Variants in RBFOX1 observed in about 807,000 individuals in gnomAD.
RBFOX1 encodes the protein RNA binding protein fox-1 homolog 1.
A neutral mutation model predicts 57.7 loss-of-function variants in RBFOX1; 8 were observed. The observed-to-expected ratio is 0.14, with a 90% CI of 0.08 to 0.25. The LOEUF (loss-of-function observed/expected upper bound fraction) is 0.25, where lower values mean the gene tolerates loss of function less well. RBFOX1 is among the 10% of genes least tolerant of loss of function. RBFOX1 has a pLI of 1.00. For missense variants in RBFOX1, 611 were observed against 548.5 expected (o/e 1.11, Z -1.14); for synonymous variants, 326 against 222.4 (o/e 1.47, Z -4.15).
chr16:7,468,835 C>T (rs1021234616), intron 4 of RBFOX1, among the ~76,000 whole-genome samples: 13 of 152,248 alleles, frequency 8.5e-5, no homozygotes, highest in South Asian at 2.1e-4. Flanking sequence ...TGATGGCTGA[C>T]CAAGAGTCAA....
chr16:6,987,105 C>T (rs922846856), intron 3 of RBFOX1, among the ~76,000 whole-genome samples: 2 of 152,150 alleles, frequency 1.3e-5, no homozygotes, highest in African/African-American at 4.8e-5. Flanking sequence ...TTCCATTTAT[C>T]AGCGTCTTGT....
intron 4 of RBFOX1, among the ~76,000 whole-genome samples, chr16:7,080,053 T>C (rs1485407716): frequency 1.4e-5 from 2 of 141,974 alleles, no homozygotes; most frequent in African/African-American, 2.6e-5. Context: ...TATATATATA[T>C]ACATATTATA....
intron 4 of RBFOX1, among the ~76,000 whole-genome samples, chr16:7,162,220 T>C (rs1160236959): frequency 1.3e-5 from 2 of 152,212 alleles, no homozygotes; most frequent in African/African-American, 2.4e-5. Context: ...AGTTAAAATA[T>C]TATCTACAAT....
chr16:5,255,649 C>T (rs1410786477), intron 1 of RBFOX1, among the ~76,000 whole-genome samples: 3 of 151,756 alleles, frequency 2.0e-5, no homozygotes, highest in East Asian at 3.9e-4. Context: ...CCGACTCAAC[C>T]ATCCATTCAT....
chr16:7,317,124 G>C (rs1164274606), intron 4 of RBFOX1, among the ~76,000 whole-genome samples: 2 of 152,114 alleles, frequency 1.3e-5, no homozygotes, highest in Non-Finnish European at 2.9e-5. Flanking sequence ...GTGTCAAGTA[G>C]GAAGTCACTG....
chr16:6,998,801 C>A (rs779980323), intron 3 of RBFOX1, among the ~76,000 whole-genome samples: 1 of 152,030 alleles, frequency 6.6e-6, no homozygotes, highest in Admixed American at 6.6e-5. Flanking sequence ...AAAATTCCTT[C>A]TGAGTACTTT....
intron 11 of RBFOX1, among the ~76,000 whole-genome samples, chr16:7,643,356 G>A (rs148840054): frequency 1.3e-5 from 2 of 152,190 alleles, no homozygotes; most frequent in African/African-American, 4.8e-5. Context: ...ACAAAAAGAA[G>A]ACTTATTTCA....
chr16:7,528,972 C>G (rs760185848), intron 5 of RBFOX1, among the ~76,000 whole-genome samples: 2 of 152,120 alleles, frequency 1.3e-5, no homozygotes, highest in African/African-American at 4.8e-5. Flanking sequence ...GGGTTGGAAA[C>G]GGAAGGCCAG....
intron 1 of RBFOX1, among the ~76,000 whole-genome samples, chr16:5,308,762 C>G (rs892155328): frequency 6.7e-6 from 1 of 149,584 alleles, no homozygotes; most frequent in African/African-American, 2.5e-5. Context: ...CATTTTTTTT[C>G]AATATTTGTC....
intron 4 of RBFOX1, among the ~76,000 whole-genome samples, chr16:5,993,526 C>T (rs952601294): frequency 6.6e-6 from 1 of 152,094 alleles, no homozygotes; most frequent in Non-Finnish European, 1.5e-5. Context: ...GTAGAATTCA[C>T]CTTCTTACCC....
chr16:5,671,002 C>T (rs954822309), intron 3 of RBFOX1, among the ~76,000 whole-genome samples: 2 of 152,240 alleles, frequency 1.3e-5, no homozygotes, highest in African/African-American at 2.4e-5. Flanking sequence ...CAGAGCCCCC[C>T]TCACTGAAAT....
intron 2 of RBFOX1, among the ~76,000 whole-genome samples, chr16:6,487,651 C>G (rs564702045): frequency 4.8e-5 from 6 of 124,646 alleles, no homozygotes; most frequent in Non-Finnish European, 8.1e-5. Flanking sequence ...TTTTCAGCTT[C>G]CAAAGATGGC....
At chr16:7,546,911 T>G (rs1221414294) in intron 5 of RBFOX1, among the ~76,000 whole-genome samples, 3 of 152,192 alleles carry the variant, frequency 2.0e-5, no homozygotes, top group Non-Finnish European at 2.9e-5. Context: ...TTCCCACAAG[T>G]AGAACTTCTG....
intron 3 of RBFOX1, among the ~76,000 whole-genome samples, chr16:6,692,840 A>T (rs544102265): frequency 1.3e-5 from 2 of 152,120 alleles, no homozygotes; most frequent in African/African-American, 4.8e-5. Flanking sequence ...ATCTTCATCC[A>T]CTACCATCAC....
chr16:5,297,683 C>T (rs1405529955), intron 1 of RBFOX1, among the ~76,000 whole-genome samples: 1 of 152,164 alleles, frequency 6.6e-6, no homozygotes, highest in Non-Finnish European at 1.5e-5. Flanking sequence ...TTTCTCCCAT[C>T]CCATAGGCTG....
intron 3 of RBFOX1, among the ~76,000 whole-genome samples, chr16:6,761,235 G>C (rs2076553595): frequency 6.6e-6 from 1 of 151,960 alleles, no homozygotes; most frequent in African/African-American, 2.4e-5. Context: ...AGGTAATTGG[G>C]GGAAAAAGTA....
chr16:6,120,327 T>C (rs1365180024), intron 1 of RBFOX1, among the ~76,000 whole-genome samples: 4 of 152,226 alleles, frequency 2.6e-5, no homozygotes, highest in African/African-American at 7.2e-5. Flanking sequence ...AGTAGCTCTA[T>C]GTTCAACTTA....
At chr16:7,708,706 C>A (rs1164400572) in intron 14 of RBFOX1, among the ~76,000 whole-genome samples, 1 of 152,158 alleles carries the variant, frequency 6.6e-6, no homozygotes, top group Non-Finnish European at 1.5e-5. Context: ...TCTGTGGGTG[C>A]TGGGCTTAAT....
intron 3 of RBFOX1, among the ~76,000 whole-genome samples, chr16:6,699,390 A>G (rs2061505182): frequency 6.6e-6 from 1 of 152,082 alleles, no homozygotes; most frequent in Non-Finnish European, 1.5e-5. Flanking sequence ...TTTTTATGCA[A>G]AAGTGGTGTC....
Sources: allele counts gnomAD v4.1 joint callset (sites outside exome capture counted in the v4.1 genomes callset), GRCh38; gene constraint gnomAD v4.1.1; transcripts MANE v1.5; gene names NCBI Gene and HGNC (gene_info 2026-07-23, HGNC 2026-07-21).